Variants in ABHD2 observed in about 807,000 individuals in gnomAD.
The protein encoded by ABHD2 is abhydrolase domain containing 2, acylglycerol lipase, also known as monoacylglycerol lipase ABHD2.
A neutral mutation model predicts 48.1 loss-of-function variants in ABHD2; 20 were observed. That is an observed-to-expected ratio of 0.42 (90% CI 0.29 to 0.60). The LOEUF (loss-of-function observed/expected upper bound fraction) is 0.60, where lower values mean the gene tolerates loss of function less well. ABHD2 is among the 20% of genes least tolerant of loss of function. The probability of loss-of-function intolerance (pLI) is 0.24; values close to 1 mark genes in which losing one functional copy is unlikely to be tolerated. For missense variants in ABHD2, 405 were observed against 550.9 expected (o/e 0.74, Z 2.65); for synonymous variants, 209 against 214.2 (o/e 0.98, Z 0.21).
chr15:89,195,125 C>A lies in ABHD2; in HGVS notation c.1082-102C>A. The A allele has an allele frequency of 3.6e-6, 5 of 1,375,988 alleles. No individual in the cohort carries two copies. Among genetic ancestry groups the A allele is most frequent in the Non-Finnish European group, 5.0e-6 (5 of 1,009,482 alleles). The allele number at this position is 1,375,988 out of a possible 1,614,324, so 85.2% of individuals were successfully genotyped here. ...GAGGTTGGATGCCCACTTAGGTGAC[C>A]CTGCGGGGACAGCCAGGCTACCCTA... On this transcript the variant is annotated intron_variant, in intron 10 of 10. Transcript: ENST00000352732. The surrounding 1 kb of genome is among the most constrained non-coding windows in gnomAD (Gnocchi z 5.1).
rs2050035403 is a variant in ABHD2 at position 89,120,675 on chromosome 15, TG to T, written c.194+4158del. On this transcript the variant is annotated intron_variant, in intron 3 of 10. Transcript: ENST00000352732. The surrounding 1 kb of genome is among the most constrained non-coding windows in gnomAD (Gnocchi z 4.2). The stretch of plus-strand genomic sequence containing the variant: ...CTAATTTTTGTATTTTTAATAGAGA[TG>T]GGGTTTCACCCTGTTGGTCAGGCTG... 1.3e-5 allele frequency: 2 copies of T among 152,120 alleles called. No individual in the cohort carries two copies. The highest frequency in any genetic ancestry group is 1.3e-4 in the Admixed American group (2 of 15,262). 9.4% of individuals were successfully genotyped at this position (152,120 alleles called of 1,614,324 possible). A position where few individuals can be genotyped will look rare whatever the true frequency, so the allele number is the denominator to read the frequency against.
chr15:89,142,695 C>G (rs992104569), intron 3 of ABHD2, among the ~76,000 whole-genome samples: 2 of 152,322 alleles, frequency 1.3e-5, no homozygotes, highest in East Asian at 3.9e-4. Flanking sequence ...TTCCCCTCCA[C>G]AGCCCCTGAG....
chr15:89,103,060 A>G (rs2049726388), intron 1 of ABHD2, among the ~76,000 whole-genome samples: 1 of 152,204 alleles, frequency 6.6e-6, no homozygotes, highest in Non-Finnish European at 1.5e-5. Flanking sequence ...AAAGCAATCC[A>G]CTGAGCTAAG....
chr15:89,075,648 C>G, the ABHD2 span, among the ~76,000 whole-genome samples: 1 of 152,164 alleles, frequency 6.6e-6, no homozygotes, highest in Admixed American at 6.5e-5. This position sits in a 1 kb window ranked among gnomAD's most constrained non-coding sequence, Gnocchi z 4.1. Flanking sequence ...GAAGCTATTC[C>G]TGGGTCTTCA....
intron 3 of ABHD2, among the ~76,000 whole-genome samples, chr15:89,117,968 G>C (rs1458678095): frequency 1.3e-5 from 2 of 152,272 alleles, no homozygotes; most frequent in East Asian, 3.9e-4. Flanking sequence ...CGTAATAGTG[G>C]TGGACACTAT....
At chr15:89,048,902 A>G in the ABHD2 span, among the ~76,000 whole-genome samples, 1 of 110,734 alleles carries the variant, frequency 9.0e-6, no homozygotes, top group Non-Finnish European at 1.9e-5. Flanking sequence ...TCAGCTCGTC[A>G]AAGTCATTTG....
chr15:89,059,288 C>T, the ABHD2 span, among the ~76,000 whole-genome samples: 1 of 152,184 alleles, frequency 6.6e-6, no homozygotes, highest in Non-Finnish European at 1.5e-5. Context: ...CACTCACATC[C>T]TCACAAAATG....
At chr15:89,077,474 A>G in the ABHD2 span, among the ~76,000 whole-genome samples, 1 of 152,196 alleles carries the variant, frequency 6.6e-6, no homozygotes, top group East Asian at 1.9e-4. Context: ...CTTTGGGTAC[A>G]TACTTAAGAA....
the ABHD2 span, among the ~76,000 whole-genome samples, chr15:89,061,274 C>G: frequency 8.5e-3 from 1,287 of 151,360 alleles, 13 homozygotes; most frequent in Non-Finnish European, 0.014. Flanking sequence ...AAAAATTAGC[C>G]AGGCGTGGTG....
At chr15:89,049,140 G>A in the ABHD2 span, among the ~76,000 whole-genome samples, 1 of 151,918 alleles carries the variant, frequency 6.6e-6, no homozygotes, top group Non-Finnish European at 1.5e-5. Context: ...TGGAGTACCC[G>A]GCCGGCCGTG....
At chr15:89,109,804 C>T (rs890859866) in intron 1 of ABHD2, among the ~76,000 whole-genome samples, 3 of 152,176 alleles carry the variant, frequency 2.0e-5, no homozygotes, top group African/African-American at 7.2e-5. Flanking sequence ...CGTACATGCA[C>T]ACACTCATAC....
chr15:89,048,500 T>C, the ABHD2 span, among the ~76,000 whole-genome samples: 1 of 152,138 alleles, frequency 6.6e-6, no homozygotes, highest in African/African-American at 2.4e-5. Context: ...TGTTTTCCAA[T>C]TTGGTTCCAT....
chr15:89,177,127 C>G lies in ABHD2; in HGVS notation c.722+1132C>G, dbSNP rs1029666332. ...GACATGAGAAACATCTCTGATGAAA[C>G]CCTTCCTGAGTCCCAGGACCAAGGT... On this transcript the variant is annotated intron_variant, in intron 6 of 10. Transcript: ENST00000352732. The surrounding 1 kb of genome is among the most constrained non-coding windows in gnomAD (Gnocchi z 5.6). Among the ~76,000 whole-genome samples the G allele has an allele frequency of 3.9e-5, 6 of 152,112 alleles. No individual in the cohort carries two copies. Among genetic ancestry groups the G allele is most frequent in the African/African-American group, 1.2e-4 (5 of 41,416 alleles).
In ABHD2 at chr15:89,155,488, T is replaced by A; in HGVS notation, c.492T>A (p.Gly164=). ...GGTGCGCCGTGCTGAACCACCTGGGTGCCCTGCCCAACATTGAATTGACCT... is the reference window on the plus strand; with the variant it reads ...GGTGCGCCGTGCTGAACCACCTGGGAGCCCTGCCCAACATTGAATTGACCT... The part of the protein sequence containing the change: ...GYRCAVLNHL[G]ALPNIELTSP... The change falls in exon 5 of 11, where the codon GGT becomes GGA. Residue 164 remains glycine, a synonymous_variant. Transcript: ENST00000352732. The surrounding 1 kb of genome is among the most constrained non-coding windows in gnomAD (Gnocchi z 4.9). 2 of 1,614,182 alleles carry A rather than the reference T, an allele frequency of 1.2e-6. No individual in the cohort carries two copies. Among genetic ancestry groups the A allele is most frequent in the Non-Finnish European group, 8.5e-7 (1 of 1,180,014 alleles).
At position 89,133,536 on chromosome 15, in the gene ABHD2, A is replaced by G. The variant is rs536051269; in HGVS notation, c.194+17015A>G. On this transcript the variant is annotated intron_variant, in intron 3 of 10. Transcript: ENST00000352732. The stretch of plus-strand genomic sequence containing the variant: ...AACATCAGGAGTTCTACTTTTTGAT[A>G]TTTGCCAATCTGGTAGGTGAAAAAT... Among the ~76,000 whole-genome samples, 17 of 152,252 alleles carry G rather than the reference A, an allele frequency of 1.1e-4. No individual in the cohort carries two copies. The South Asian group carries it at 2.7e-3, about 24-fold the overall frequency.
the ABHD2 span, among the ~76,000 whole-genome samples, chr15:89,048,535 C>G: frequency 6.6e-6 from 1 of 152,130 alleles, no homozygotes; most frequent in African/African-American, 2.4e-5. Flanking sequence ...TCAGGTACAC[C>G]AATCAGACGT....
chr15:89,082,010 T>A, the ABHD2 span, among the ~76,000 whole-genome samples: 1 of 152,118 alleles, frequency 6.6e-6, no homozygotes, highest in Non-Finnish European at 1.5e-5. This position sits in a 1 kb window ranked among gnomAD's most constrained non-coding sequence, Gnocchi z 4.4. Context: ...TTTGGGATAA[T>A]TCTTTGTTGT....
intron 6 of ABHD2, among the ~76,000 whole-genome samples, chr15:89,180,721 G>A (rs770715566): frequency 1.3e-5 from 2 of 152,148 alleles, no homozygotes; most frequent in Non-Finnish European, 2.9e-5. Context: ...GCCTAGGATC[G>A]TGCCCTCTTC....
At chr15:89,090,818 T>G (rs566745490) in intron 1 of ABHD2, among the ~76,000 whole-genome samples, 1 of 152,280 alleles carries the variant, frequency 6.6e-6, no homozygotes, top group South Asian at 2.1e-4. Flanking sequence ...TCTAAATGGA[T>G]GAACATTTTT....
Sources: allele counts gnomAD v4.1 joint callset (sites outside exome capture counted in the v4.1 genomes callset), GRCh38; gene constraint gnomAD v4.1.1; non-coding constraint Gnocchi (gnomAD v3.1); transcripts MANE v1.5; gene names NCBI Gene and HGNC (gene_info 2026-07-23, HGNC 2026-07-21).